The following SAMD12 variants were observed in gnomAD, a reference collection of about 807,000 sequenced individuals.
SAMD12 encodes the protein sterile alpha motif domain-containing protein 12.
SAMD12 carries 9 observed loss-of-function variants against 15.0 expected under a neutral mutation model. The observed-to-expected ratio is 0.60, with a 90% CI of 0.36 to 1.05. The LOEUF (loss-of-function observed/expected upper bound fraction) is 1.05, where lower values mean the gene tolerates loss of function less well. Among genes scored for constraint, SAMD12 ranks in the 50% least tolerant of loss-of-function variants. SAMD12 has a pLI of 0.01. For missense variants in SAMD12, 230 were observed against 234.2 expected, an observed-to-expected ratio of 0.98 and a Z score of 0.12; for synonymous variants, 86 against 90.1, an observed-to-expected ratio of 0.96 and a Z score of 0.25.
At chr8:118,370,934 G>A (rs1333284461) in intron 4 of SAMD12, among the ~76,000 whole-genome samples, 1 of 114,808 alleles carries the variant, frequency 8.7e-6, no homozygotes, top group Non-Finnish European at 1.8e-5. Context: ...ATGTACTCTG[G>A]AACTTAAATA....
the SAMD12 span, among the ~76,000 whole-genome samples, chr8:118,156,973 G>T: frequency 6.6e-6 from 1 of 152,120 alleles, no homozygotes; most frequent in Admixed American, 6.6e-5. Context: ...AGAAGGGTTG[G>T]ATATTCAAGA....
intron 4 of SAMD12, among the ~76,000 whole-genome samples, chr8:118,358,672 C>A (rs955160961): frequency 1.3e-5 from 2 of 152,084 alleles, no homozygotes; most frequent in Non-Finnish European, 2.9e-5. Flanking sequence ...CCCTGCACAC[C>A]TTTTCTGTCA....
exon 5 of SAMD12, chr8:118,196,543 T>C (rs1405757184): frequency 1.3e-5 from 2 of 152,064 alleles, no homozygotes; most frequent in Non-Finnish European, 2.9e-5. Flanking sequence ...CCAGAAAGGA[T>C]TAACAAGGGA....
At chr8:118,203,593 T>A (rs1300266230) in intron 4 of SAMD12, among the ~76,000 whole-genome samples, 1 of 152,110 alleles carries the variant, frequency 6.6e-6, no homozygotes, top group Non-Finnish European at 1.5e-5. Flanking sequence ...TAATTCTATT[T>A]TTTTATTATT....
At chr8:118,194,285 G>T (rs1315087024) in exon 5 of SAMD12, 1 of 152,120 alleles carries the variant, frequency 6.6e-6, no homozygotes, top group East Asian at 1.9e-4. Context: ...TGGCTTGTTT[G>T]CCAGGATTCC....
intron 1 of SAMD12, among the ~76,000 whole-genome samples, chr8:118,594,059 T>C (rs1827654494): frequency 6.6e-6 from 1 of 152,210 alleles, no homozygotes; most frequent in Non-Finnish European, 1.5e-5. Context: ...GTTATTTTCT[T>C]GTTATAAGCT....
At chr8:118,345,659 C>T (rs1817600543) in intron 4 of SAMD12, among the ~76,000 whole-genome samples, 1 of 152,180 alleles carries the variant, frequency 6.6e-6, no homozygotes, top group Non-Finnish European at 1.5e-5. Flanking sequence ...GTCCAACTAG[C>T]CAATGGGGCA....
chr8:118,263,842 C>T (rs561849759), intron 4 of SAMD12, among the ~76,000 whole-genome samples: 6 of 152,048 alleles, frequency 3.9e-5, no homozygotes, highest in Non-Finnish European at 8.8e-5. Context: ...GGAAATGGTG[C>T]TCTCAGTCAA....
chr8:118,382,215 T>A (rs759323692), intron 3 of SAMD12, among the ~76,000 whole-genome samples: 1 of 152,184 alleles, frequency 6.6e-6, no homozygotes, highest in Non-Finnish European at 1.5e-5. Context: ...AAAATGTAGA[T>A]CACCCTCCCT....
intron 2 of SAMD12, among the ~76,000 whole-genome samples, chr8:118,550,735 A>C (rs1826302313): frequency 6.6e-6 from 1 of 151,770 alleles, no homozygotes; most frequent in South Asian, 2.1e-4. Context: ...CAGACTGGCA[A>C]ATTGGATAAA....
chr8:118,401,174 G>C (rs562917378), intron 3 of SAMD12, among the ~76,000 whole-genome samples: 35 of 152,270 alleles, frequency 2.3e-4, no homozygotes, highest in African/African-American at 8.4e-4. Context: ...GATCATTTCT[G>C]TATCTTGCTT....
At chr8:118,618,837 T>C (rs1003486204) in intron 1 of SAMD12, among the ~76,000 whole-genome samples, 138 of 70,490 alleles carry the variant, frequency 2.0e-3, no homozygotes, top group African/African-American at 4.9e-3. Context: ...AGACTCCGTC[T>C]CAAAAAAAAA....
intron 2 of SAMD12, among the ~76,000 whole-genome samples, chr8:118,481,197 C>T (rs573999346): frequency 0.05 from 6,451 of 128,128 alleles, 195 homozygotes; most frequent in Non-Finnish European, 0.075. Flanking sequence ...TCAAGTGATC[C>T]GCCTGCCTTA....
At chr8:118,165,634 A>ATGTATATATG in the SAMD12 span, among the ~76,000 whole-genome samples, 1 of 144,586 alleles carries the variant, frequency 6.9e-6, no homozygotes, top group African/African-American at 2.6e-5. Context: ...ATATATATAT[A>ATGTATATATG]TACATATATA....
chr8:118,378,821 G>A lies in SAMD12; in HGVS notation c.*596C>T, dbSNP rs528089240. 12 of 985,180 alleles carry A rather than the reference G, an allele frequency of 1.2e-5. No homozygotes were observed. The African/African-American group carries it at 1.6e-4, about 13-fold the overall frequency. 61.0% of individuals were successfully genotyped at this position (985,180 alleles called of 1,614,324 possible). A position where few individuals can be genotyped will look rare whatever the true frequency, so the allele number is the denominator to read the frequency against. On this transcript the variant is annotated 3_prime_UTR_variant, in exon 4 of 4. Coordinates refer to ENST00000314727, the MANE Select transcript of SAMD12 (RefSeq NM_207506.3). ...TATAGTGTAACTTAAGGCTTTCTTC[G>A]AATTCTAGCTTTATTTTGTCACTTC... is the stretch of plus-strand genomic sequence containing the variant.
intron 4 of SAMD12, among the ~76,000 whole-genome samples, chr8:118,210,683 C>T (rs1819996875): frequency 6.6e-6 from 1 of 152,184 alleles, no homozygotes; most frequent in South Asian, 2.1e-4. Context: ...CAATGCATTC[C>T]AGACACAGAA....
chr8:118,320,720 G>A (rs1246933607), intron 4 of SAMD12, among the ~76,000 whole-genome samples: 2 of 150,934 alleles, frequency 1.3e-5, no homozygotes, highest in African/African-American at 2.4e-5. Context: ...TAACGTAAAT[G>A]ATGAGTTAAT....
intron 2 of SAMD12, among the ~76,000 whole-genome samples, chr8:118,486,181 A>G (rs13273042): frequency 1.1e-3 from 167 of 152,198 alleles, no homozygotes; most frequent in Admixed American, 2.2e-3. Flanking sequence ...TTGGGAGGCC[A>G]AGGCGGGCAG....
the SAMD12 span, among the ~76,000 whole-genome samples, chr8:118,167,895 G>A: frequency 2.6e-5 from 4 of 152,058 alleles, no homozygotes; most frequent in Admixed American, 6.6e-5. Context: ...GGGGAGCATT[G>A]ACATCCAACT....
Sources: allele counts gnomAD v4.1 joint callset (sites outside exome capture counted in the v4.1 genomes callset), GRCh38; gene constraint gnomAD v4.1.1; transcripts MANE v1.5; gene names NCBI Gene and HGNC (gene_info 2026-07-23, HGNC 2026-07-21).